Variants in PTPRK observed in about 807,000 individuals in gnomAD.
The protein encoded by PTPRK is protein tyrosine phosphatase receptor type K, also known as receptor-type tyrosine-protein phosphatase kappa.
Under a neutral mutation model 178.0 loss-of-function variants are expected in PTPRK, and 75 were observed. The ratio of observed to expected loss-of-function variants is 0.42; its 90% confidence interval spans 0.35 to 0.51. The LOEUF (loss-of-function observed/expected upper bound fraction) is 0.51, where lower values mean the gene tolerates loss of function less well. Among genes scored for constraint, PTPRK ranks in the 20% least tolerant of loss-of-function variants. The probability of loss-of-function intolerance (pLI) is 0.02; values close to 1 mark genes in which losing one functional copy is unlikely to be tolerated. For missense variants in PTPRK, 1,441 were observed against 1,797.8 expected (o/e 0.80, Z 3.59); for synonymous variants, 637 against 620.6 (o/e 1.03, Z -0.39).
At chr6:128,456,168 G>A (rs1439137130) in intron 1 of PTPRK, among the ~76,000 whole-genome samples, 1 of 151,916 alleles carries the variant, frequency 6.6e-6, no homozygotes, top group African/African-American at 2.4e-5. Flanking sequence ...CTGAAAATCT[G>A]CCCTGACAAA....
At chr6:127,998,240 A>G (rs527633906) in intron 16 of PTPRK, among the ~76,000 whole-genome samples, 17 of 152,142 alleles carry the variant, frequency 1.1e-4, no homozygotes, top group African/African-American at 3.6e-4. Context: ...ACCCTCAACC[A>G]ATAATCCATA....
intron 1 of PTPRK, among the ~76,000 whole-genome samples, chr6:128,452,623 A>C (rs753511550): frequency 5.9e-5 from 9 of 152,178 alleles, no homozygotes; most frequent in Non-Finnish European, 1.5e-5. Context: ...CTATTGAAAA[A>C]TCACAGCAAA....
intron 1 of PTPRK, among the ~76,000 whole-genome samples, chr6:128,518,742 A>T (rs1353323867): frequency 6.6e-6 from 1 of 152,210 alleles, no homozygotes; most frequent in East Asian, 1.9e-4. Flanking sequence ...TATTTTTTGC[A>T]TAGAGCTGTT....
chr6:127,975,916 C>T (rs1211554445), intron 27 of PTPRK, among the ~76,000 whole-genome samples: 5 of 152,068 alleles, frequency 3.3e-5, no homozygotes, highest in African/African-American at 1.2e-4. Flanking sequence ...ATGATCTGCC[C>T]GCCTTGGCCT....
intron 7 of PTPRK, among the ~76,000 whole-genome samples, chr6:128,167,414 TA>T: frequency 6.6e-6 from 1 of 152,080 alleles, no homozygotes; most frequent in African/African-American, 2.4e-5. Flanking sequence ...AAGGAATGTA[TA>T]AAATTGTTTT....
At chr6:128,459,476 C>A (rs1584812629) in intron 1 of PTPRK, among the ~76,000 whole-genome samples, 1 of 152,180 alleles carries the variant, frequency 6.6e-6, no homozygotes, top group Admixed American at 6.6e-5. Flanking sequence ...GCTTTGACAG[C>A]TTTATACCCA....
intron 6 of PTPRK, among the ~76,000 whole-genome samples, chr6:128,208,445 A>G (rs1157194994): frequency 6.6e-6 from 1 of 152,188 alleles, no homozygotes; most frequent in Non-Finnish European, 1.5e-5. Flanking sequence ...CTATGAAGTA[A>G]AAAGTTTTAC....
intron 3 of PTPRK, among the ~76,000 whole-genome samples, chr6:128,315,543 G>T (rs1451514223): frequency 1.3e-5 from 2 of 152,044 alleles, no homozygotes; most frequent in African/African-American, 4.8e-5. Flanking sequence ...TGAAAATCAA[G>T]ACAGCTAAAA....
intron 1 of PTPRK, chr6:128,409,308 T>C: frequency 2.2e-6 from 1 of 455,154 alleles, no homozygotes. Context: ...TTTTCACTTG[T>C]CATTTCAGTA....
At chr6:128,453,049 T>G (rs1052993044) in intron 1 of PTPRK, among the ~76,000 whole-genome samples, 3 of 152,226 alleles carry the variant, frequency 2.0e-5, no homozygotes, top group Non-Finnish European at 4.4e-5. Context: ...AATGCTATCA[T>G]GAAGGTATGT....
At chr6:128,417,533 A>G (rs796212248) in intron 1 of PTPRK, among the ~76,000 whole-genome samples, 27 of 152,354 alleles carry the variant, frequency 1.8e-4, no homozygotes, top group African/African-American at 6.3e-4. Context: ...CAACAGGTAC[A>G]GATCACTTTA....
intron 5 of PTPRK, chr6:128,238,185 C>CAAAAAAAA (rs58051125): frequency 2.1e-4 from 44 of 206,450 alleles, no homozygotes; most frequent in South Asian, 2.9e-4. Flanking sequence ...TAGCAAACGC[C>CAAAAAAAA]AAAAAAAAAA....
At chr6:128,154,527 A>C (rs1797707559) in intron 7 of PTPRK, among the ~76,000 whole-genome samples, 1 of 151,798 alleles carries the variant, frequency 6.6e-6, no homozygotes, top group Non-Finnish European at 1.5e-5. Flanking sequence ...ACAACAAAAA[A>C]ATCAACATTA....
At chr6:128,468,114 G>A (rs554742869) in intron 1 of PTPRK, among the ~76,000 whole-genome samples, 3 of 152,138 alleles carry the variant, frequency 2.0e-5, no homozygotes, top group Admixed American at 6.6e-5. Flanking sequence ...CGCACAACGC[G>A]TGGCAATTAG....
intron 7 of PTPRK, among the ~76,000 whole-genome samples, chr6:128,113,979 A>G (rs1791085520): frequency 6.6e-6 from 1 of 152,158 alleles, no homozygotes; most frequent in Non-Finnish European, 1.5e-5. Context: ...GAACTATGAC[A>G]ACATATAACA....
chr6:128,520,288 A>T lies in PTPRK; in HGVS notation c.71T>A (p.Leu24Gln). The change falls in exon 1 of 30, where the codon CTG becomes CAG. Residue 24 changes from leucine (L) to glutamine (Q), a missense_variant. Coordinates refer to ENST00000368226, the MANE Select transcript of PTPRK (RefSeq NM_002844.4). ...GGAGAACTGGCCTTGGGCCGATCCC[A>T]GGAGAGGCCAAGGAGAGAGGAGCAA... ...ALLLLSPWPL[L>Q]GSAQGQFSAG... 6.2e-7 allele frequency: 1 copy of T among 1,607,570 alleles called. No homozygotes were observed. The highest frequency in any genetic ancestry group is 8.5e-7 in the Non-Finnish European group (1 of 1,176,952).
chr6:128,289,384 T>C (rs1823013273), intron 3 of PTPRK, among the ~76,000 whole-genome samples: 2 of 152,226 alleles, frequency 1.3e-5, no homozygotes, highest in Admixed American at 6.5e-5. Context: ...TTCAAGAAAA[T>C]GAGCCACAAA....
chr6:128,006,117 T>C, intron 14 of PTPRK: 2 of 1,228,538 alleles, frequency 1.6e-6, no homozygotes, highest in Non-Finnish European at 2.3e-6. Context: ...AGCGTGACTC[T>C]GTCACATTCA....
At chr6:128,452,065 G>C (rs1163481613) in intron 1 of PTPRK, among the ~76,000 whole-genome samples, 8 of 152,140 alleles carry the variant, frequency 5.3e-5, no homozygotes, top group African/African-American at 1.9e-4. Context: ...AGATATGCTA[G>C]TCATTCTAGA....
Sources: gnomAD v4.1 joint callset for allele counts (sites outside exome capture counted in the v4.1 genomes callset) on GRCh38, gnomAD v4.1.1 for gene constraint, MANE v1.5 for transcripts, NCBI Gene and HGNC (gene_info 2026-07-23, HGNC 2026-07-21) for gene names.